Variants in BAIAP2L1 observed in about 807,000 individuals in gnomAD.
BAIAP2L1 encodes the protein BAR/IMD domain containing adaptor protein 2 like 1, also known as BAR/IMD domain-containing adapter protein 2-like 1.
BAIAP2L1 carries 35 observed loss-of-function variants against 66.3 expected under a neutral mutation model. The ratio of observed to expected loss-of-function variants is 0.53; its 90% CI spans 0.40 to 0.70. The LOEUF (loss-of-function observed/expected upper bound fraction) is 0.70. BAIAP2L1 is among the 30% of genes least tolerant of loss of function. The pLI is 0.00. For missense variants in BAIAP2L1, 622 were observed against 656.9 expected, an observed-to-expected ratio of 0.95 and a Z score of 0.58; for synonymous variants, 269 against 248.7, an observed-to-expected ratio of 1.08 and a Z score of -0.77.
chr7:98,344,386 C>T (rs1801823475), intron 3 of BAIAP2L1, among the ~76,000 whole-genome samples: 1 of 152,192 alleles, frequency 6.6e-6, no homozygotes, highest in South Asian at 2.1e-4. Flanking sequence ...CTCTTTAAAT[C>T]ATCAATATTT....
chr7:98,328,876 TA>T (rs1801434440), intron 3 of BAIAP2L1, among the ~76,000 whole-genome samples: 1 of 152,214 alleles, frequency 6.6e-6, no homozygotes, highest in Non-Finnish European at 1.5e-5. Context: ...ACTTCTGTCA[TA>T]GCCTTTCTTT....
chr7:98,306,355 GAC>G, intron 11 of BAIAP2L1, 82 bp downstream of exon 11: 1 of 1,519,342 alleles, frequency 6.6e-7, no homozygotes, highest in Middle Eastern at 1.7e-4. Flanking sequence ...CAGGGCCTGC[GAC>G]ACAGCTAGAT....
intron 10 of BAIAP2L1, 124 bp from the exon 11 acceptor site, chr7:98,306,640 G>T: frequency 7.1e-7 from 1 of 1,400,278 alleles, no homozygotes; most frequent in East Asian, 2.4e-5. Flanking sequence ...CATGTGTGGA[G>T]GAAATGAAAT....
Position 98,292,985 on chromosome 7 carries a change from G to T in BAIAP2L1, c.*536C>A. On this transcript the variant is annotated 3_prime_UTR_variant, in exon 14 of 14. Coordinates refer to ENST00000005260, the MANE Select transcript of BAIAP2L1 (RefSeq NM_018842.5). ...GAGGGTGGGGGTTTCTCCATCTCTGGAAGCTCTACACTTAAACATTTTAAG... is the reference window on the plus strand; with the variant it reads ...GAGGGTGGGGGTTTCTCCATCTCTGTAAGCTCTACACTTAAACATTTTAAG... 2.5e-6 allele frequency: 3 copies of T among 1,178,294 alleles called. No homozygotes were observed. Among genetic ancestry groups the T allele is most frequent in the Non-Finnish European group, 2.1e-6 (2 of 952,670 alleles). 73.0% of individuals were successfully genotyped at this position (1,178,294 alleles called of 1,614,324 possible).
chr7:98,344,887 G>A (rs1049366948), intron 3 of BAIAP2L1, among the ~76,000 whole-genome samples: 2 of 152,218 alleles, frequency 1.3e-5, no homozygotes, highest in Non-Finnish European at 2.9e-5. Context: ...AGTGAGCTGA[G>A]ATCGCGCCAT....
At chr7:98,364,579 G>A (rs925950579) in intron 1 of BAIAP2L1, among the ~76,000 whole-genome samples, 11 of 151,858 alleles carry the variant, frequency 7.2e-5, no homozygotes, top group Non-Finnish European at 1.3e-4. Context: ...GAACTAATGC[G>A]TGAGAGGTAA....
chr7:98,375,756 A>AG (rs1802612042), intron 1 of BAIAP2L1, among the ~76,000 whole-genome samples: 2 of 151,518 alleles, frequency 1.3e-5, no homozygotes, highest in Non-Finnish European at 2.9e-5. Flanking sequence ...AAAAAAAAAA[A>AG]AAAAAAGAAA....
intron 1 of BAIAP2L1, among the ~76,000 whole-genome samples, chr7:98,371,481 G>A (rs1028174238): frequency 3.9e-5 from 6 of 152,158 alleles, no homozygotes; most frequent in African/African-American, 1.2e-4. Context: ...GAACAGTTCC[G>A]CTGGAACCAG....
intron 3 of BAIAP2L1, among the ~76,000 whole-genome samples, chr7:98,329,337 G>C (rs1173372208): frequency 4.6e-5 from 7 of 152,274 alleles, no homozygotes; most frequent in African/African-American, 1.4e-4. Context: ...ACCAATGCTG[G>C]GGCCATTCCT....
rs147082589 is a variant in BAIAP2L1 at position 98,324,978 on chromosome 7, C to T, written c.215-4680G>A. Among the ~76,000 whole-genome samples the T allele has an allele frequency of 5.5e-3, 836 of 152,306 alleles. 4 individuals carry two copies. Among genetic ancestry groups the T allele is most frequent in the East Asian group, 0.014 (72 of 5,188 alleles). On this transcript the variant is annotated intron_variant, in intron 3 of 13. Coordinates refer to ENST00000005260, the MANE Select transcript of BAIAP2L1 (RefSeq NM_018842.5). The stretch of plus-strand genomic sequence containing the variant: ...AGAACGCAGAGCAACGCCTGAGTCA[C>T]GCACTACTTCCTACACATCACTACA...
At position 98,372,896 on chromosome 7, in the gene BAIAP2L1, C is replaced by T. The variant is rs150030064; in HGVS notation, c.52-10464G>A. 6.6e-3 allele frequency among the ~76,000 whole-genome samples: 1,000 copies of T among 152,176 alleles called. 10 individuals are homozygous for T. The highest frequency in any genetic ancestry group is 0.01 in the Non-Finnish European group (713 of 68,010). ...GTGGGATTACAGGCACCCACCACCA[C>T]GCCCAGCTAATTTTTGTATTCTTGG... On this transcript the variant is annotated intron_variant, in intron 1 of 13. Coordinates refer to ENST00000005260, the MANE Select transcript of BAIAP2L1 (RefSeq NM_018842.5).
chr7:98,385,136 C>T (rs6960566), intron 1 of BAIAP2L1, among the ~76,000 whole-genome samples: 2,102 of 151,844 alleles, frequency 0.014, 31 homozygotes, highest in Non-Finnish European at 0.019. Flanking sequence ...GGTGAAACCC[C>T]ATCTCTACTA....
Position 98,320,265 on chromosome 7 carries a change from T to G in BAIAP2L1, c.248A>C (p.Lys83Thr). ...TTCATCAAGACTCTCGTTGAGTTTC[T>G]TGTGGGTACTTGAAATCTCTATGAG... is the stretch of plus-strand genomic sequence containing the variant. The part of the protein sequence containing the change: ...HVLIEISSTH[K>T]KLNESLDENF... The change falls in exon 4 of 14, where the codon AAG becomes ACG. Residue 83 changes from lysine to threonine, a missense_variant. By Grantham distance (78) the Lys-to-Thr change is moderately conservative. Transcript: ENST00000005260. 6.2e-7 allele frequency: 1 copy of G among 1,609,982 alleles called. No individual in the cohort carries two copies. Among genetic ancestry groups the G allele is most frequent in the South Asian group, 1.1e-5 (1 of 90,474 alleles).
intron 1 of BAIAP2L1, among the ~76,000 whole-genome samples, chr7:98,370,792 C>T (rs1254122002): frequency 6.6e-6 from 1 of 152,174 alleles, no homozygotes; most frequent in East Asian, 1.9e-4. Context: ...TGAGCCACCG[C>T]GCCTGGCCAA....
At chr7:98,344,723 T>G (rs1801830755) in intron 3 of BAIAP2L1, among the ~76,000 whole-genome samples, 2 of 152,090 alleles carry the variant, frequency 1.3e-5, no homozygotes, top group Admixed American at 6.6e-5. Flanking sequence ...TCACCTGAGG[T>G]CAGGAGTTTG....
intron 3 of BAIAP2L1, among the ~76,000 whole-genome samples, chr7:98,354,162 T>G (rs1802068848): frequency 6.6e-6 from 1 of 151,788 alleles, no homozygotes; most frequent in Non-Finnish European, 1.5e-5. Context: ...GCTCCTCAAC[T>G]CCACTGTCAG....
At chr7:98,370,432 G>C (rs1220227314) in intron 1 of BAIAP2L1, among the ~76,000 whole-genome samples, 1 of 149,268 alleles carries the variant, frequency 6.7e-6, no homozygotes, top group Non-Finnish European at 1.5e-5. Context: ...GAGTTTTTAA[G>C]CTTGAAAAGT....
chr7:98,369,251 G>A (rs1203988005), intron 1 of BAIAP2L1, among the ~76,000 whole-genome samples: 5 of 152,274 alleles, frequency 3.3e-5, no homozygotes, highest in African/African-American at 9.6e-5. Context: ...GGGAGGCCGA[G>A]GGAGGTGGGC....
intron 1 of BAIAP2L1, among the ~76,000 whole-genome samples, chr7:98,374,949 T>C (rs1006152179): frequency 2.6e-5 from 4 of 151,850 alleles, no homozygotes; most frequent in African/African-American, 4.8e-5. Flanking sequence ...TAGCTGGGCG[T>C]AGCAGTGTGT....
Sources: gnomAD v4.1 joint callset for allele counts (sites outside exome capture counted in the v4.1 genomes callset) on GRCh38, gnomAD v4.1.1 for gene constraint, MANE v1.5 for transcripts, NCBI Gene and HGNC (gene_info 2026-07-23, HGNC 2026-07-21) for gene names.